RNF144A: variants seen among roughly 807,000 people sequenced by gnomAD.
RNF144A encodes the protein ring finger protein 144A, also known as E3 ubiquitin-protein ligase RNF144A.
In RNF144A, 11 loss-of-function variants were observed where a neutral mutation model predicts 38.7. That is an observed-to-expected ratio of 0.28 (90% confidence interval 0.18 to 0.47). The LOEUF is 0.47. RNF144A is among the 20% of genes least tolerant of loss of function. The probability of loss-of-function intolerance (pLI) is 0.99; values close to 1 mark genes in which losing one functional copy is unlikely to be tolerated. For synonymous variants in RNF144A, 149 were observed against 143.9 expected (o/e 1.04, Z -0.25); for missense variants, 316 against 377.2 (o/e 0.84, Z 1.34).
chr2:6,993,250 T>C (rs1669510734), intron 2 of RNF144A, among the ~76,000 whole-genome samples: 1 of 152,082 alleles, frequency 6.6e-6, no homozygotes, highest in Non-Finnish European at 1.5e-5. Context: ...TTCCTGGAAA[T>C]GGTGCTGTGA....
At chr2:7,046,681 C>A (rs565659955), downstream of RNF144A, among the ~76,000 whole-genome samples, 290 of 152,234 alleles carry the variant, frequency 1.9e-3, no homozygotes, top group African/African-American at 6.5e-3. Context: ...CTTGTAGGAC[C>A]TGAGAAACGA....
intron 3 of RNF144A, among the ~76,000 whole-genome samples, chr2:7,000,623 GCT>G (rs1670035340): frequency 6.6e-6 from 1 of 152,164 alleles, no homozygotes; most frequent in Admixed American, 6.5e-5. Context: ...TCAGACAGCT[GCT>G]AGAAGTAGAG....
intron 1 of RNF144A, among the ~76,000 whole-genome samples, chr2:6,937,672 A>G (rs1368364228): frequency 6.6e-6 from 1 of 152,170 alleles, no homozygotes; most frequent in Non-Finnish European, 1.5e-5. Context: ...TCTGGAATGG[A>G]TATCTAGATG....
At chr2:6,968,477 TG>T (rs889243302) in intron 2 of RNF144A, among the ~76,000 whole-genome samples, 3 of 152,176 alleles carry the variant, frequency 2.0e-5, no homozygotes, top group African/African-American at 7.2e-5. Flanking sequence ...TGATTTATTC[TG>T]GGAACATGAA....
At chr2:7,006,715 C>G (rs1297863496) in intron 3 of RNF144A, among the ~76,000 whole-genome samples, 2 of 152,170 alleles carry the variant, frequency 1.3e-5, no homozygotes, top group Non-Finnish European at 2.9e-5. Context: ...TCCTCCCTTC[C>G]CTGTCCATGG....
intron 6 of RNF144A, among the ~76,000 whole-genome samples, chr2:7,063,749 T>G (rs185047385): frequency 1.7e-3 from 254 of 152,346 alleles, no homozygotes; most frequent in Middle Eastern, 0.01. Flanking sequence ...AGAAATGTTC[T>G]AACGTCTAAT....
chr2:6,918,628 G>A (rs1664306625), intron 1 of RNF144A: 1 of 151,232 alleles, frequency 6.6e-6, no homozygotes, highest in African/African-American at 2.4e-5. Context: ...GCCGGGCGCA[G>A]TGGCGGGCGC....
chr2:7,041,391 A>G lies in RNF144A; in HGVS notation c.*1631A>G. 1 of 985,804 alleles carries G rather than the reference A, an allele frequency of 1.0e-6. No individual in the cohort carries two copies. The highest frequency in any genetic ancestry group is 1.2e-6 in the Non-Finnish European group (1 of 829,928). 61.1% of individuals were successfully genotyped at this position (985,804 alleles called of 1,614,324 possible). Reference sequence around the variant, plus strand: ...ACCTCACTCTTCACCTGTCATGTTGATTTTCCTTATGAACCCGAAGCCATT... The same window carrying G: ...ACCTCACTCTTCACCTGTCATGTTGGTTTTCCTTATGAACCCGAAGCCATT... On this transcript the variant is annotated 3_prime_UTR_variant, in exon 9 of 9. Transcript: ENST00000320892.
intron 7 of RNF144A, among the ~76,000 whole-genome samples, chr2:7,027,279 G>A (rs916845357): frequency 6.6e-6 from 1 of 152,206 alleles, no homozygotes. Flanking sequence ...TCAGCTATCA[G>A]TGCTGGCCCA....
chr2:7,031,890 C>A (rs374300601), intron 8 of RNF144A, among the ~76,000 whole-genome samples: 1 of 152,222 alleles, frequency 6.6e-6, no homozygotes. Context: ...GCCAACGGTA[C>A]GTCAGTGAGT....
rs367962564 is a variant in RNF144A at position 7,067,990 on chromosome 2, C to G, written c.735-226C>G. On this transcript the variant is annotated intron_variant, in intron 6 of 6. Coordinates refer to the RNF144A transcript ENST00000432850. ...GTAGCCAGAATCCCTGCACCCTCAC[C>G]CCGATATCTCCTCTTAGTAATTTTC... Among the ~76,000 whole-genome samples the G allele has an allele frequency of 1.2e-4, 18 of 152,286 alleles. 1 individual carries two copies. The East Asian group carries it at 3.3e-3, about 28-fold the overall frequency.
At chr2:6,918,577 C>A (rs946366315) in intron 1 of RNF144A, 1 of 151,148 alleles carries the variant, frequency 6.6e-6, no homozygotes, top group South Asian at 2.1e-4. Flanking sequence ...GAGATCGAGA[C>A]CACGGTGAAA....
At chr2:6,982,385 T>C (rs1483579121) in intron 2 of RNF144A, among the ~76,000 whole-genome samples, 1 of 152,180 alleles carries the variant, frequency 6.6e-6, no homozygotes, top group Non-Finnish European at 1.5e-5. Flanking sequence ...CTTGGCTCCA[T>C]GGTTGTGGAA....
At chr2:6,997,164 G>C (rs909981253) in intron 3 of RNF144A, 103 bp downstream of exon 3, 29 of 1,113,260 alleles carry the variant, frequency 2.6e-5, no homozygotes, top group Non-Finnish European at 3.9e-5. Flanking sequence ...CATTTTGCCT[G>C]ACAGTGGAGT....
intron 1 of RNF144A, among the ~76,000 whole-genome samples, chr2:6,937,847 A>G (rs1000900105): frequency 6.6e-6 from 1 of 152,140 alleles, no homozygotes; most frequent in Non-Finnish European, 1.5e-5. Context: ...AAAAATTAGC[A>G]TCCTCAGGCT....
intron 3 of RNF144A, among the ~76,000 whole-genome samples, chr2:7,002,447 G>A (rs922603575): frequency 2.0e-5 from 3 of 152,220 alleles, no homozygotes; most frequent in African/African-American, 7.2e-5. Context: ...TCTGCCAGAA[G>A]TACTCAGGAA....
downstream of RNF144A, among the ~76,000 whole-genome samples, chr2:7,071,715 G>C (rs752302127): frequency 6.6e-6 from 1 of 152,204 alleles, no homozygotes; most frequent in Non-Finnish European, 1.5e-5. Flanking sequence ...TGATAGTGTT[G>C]TATGTCAATG....
chr2:6,940,571 C>A (rs939688693), intron 1 of RNF144A, among the ~76,000 whole-genome samples: 5 of 151,380 alleles, frequency 3.3e-5, no homozygotes, highest in African/African-American at 1.2e-4. Flanking sequence ...TTATTATATA[C>A]TTCTGAGTTA....
At position 6,917,727 on chromosome 2, in the gene RNF144A, G is replaced by T. The variant is rs1664214528; in HGVS notation, c.-212+105G>T. ...CGGCCGGCCTTGGGGCTCGGGGCTT[G>T]CGGCCGCGCCTGCCCCGCTGGGTCC... On this transcript the variant is annotated intron_variant, in intron 1 of 8. Transcript: ENST00000320892. This position sits in a 1 kb window ranked among gnomAD's most constrained non-coding sequence, Gnocchi z 4.8. The T allele has an allele frequency of 6.7e-6, 1 of 148,596 alleles. No individual in the cohort carries two copies. Among genetic ancestry groups the T allele is most frequent in the Non-Finnish European group, 1.5e-5 (1 of 66,760 alleles). The allele number at this position is 148,596 out of a possible 1,614,324, so 9.2% of individuals were successfully genotyped here. A position where few individuals can be genotyped will look rare whatever the true frequency, so the allele number is the denominator to read the frequency against.
Sources: gnomAD v4.1 joint callset for allele counts (sites outside exome capture counted in the v4.1 genomes callset) on GRCh38, gnomAD v4.1.1 for gene constraint, Gnocchi (gnomAD v3.1) non-coding constraint, MANE v1.5 for transcripts, NCBI Gene and HGNC (gene_info 2026-07-23, HGNC 2026-07-21) for gene names.